The following CEP128 variants were observed in gnomAD, a reference collection of about 807,000 sequenced individuals.
The protein encoded by CEP128 is centrosomal protein 128kDa.
Under a neutral mutation model 156.7 loss-of-function variants are expected in CEP128, and 132 were observed. The observed-to-expected ratio is 0.84, with a 90% confidence interval of 0.73 to 0.97. The LOEUF is 0.97. Among genes scored for constraint, CEP128 ranks in the 50% least tolerant of loss-of-function variants. CEP128 has a pLI of 0.00. For synonymous variants in CEP128, 469 were observed against 448.9 expected (o/e 1.04, Z -0.57); for missense variants, 1,252 against 1,281.9 (o/e 0.98, Z 0.36).
At chr14:80,694,691 T>A (rs1229173335) in intron 19 of CEP128, among the ~76,000 whole-genome samples, 1 of 150,740 alleles carries the variant, frequency 6.6e-6, no homozygotes, top group Non-Finnish European at 1.5e-5. Context: ...TAAGTGGGAG[T>A]TGAACAATGA....
intron 19 of CEP128, among the ~76,000 whole-genome samples, chr14:80,656,291 T>TTATATATATATATATA (rs1159139132): frequency 3.9e-5 from 1 of 25,700 alleles, no homozygotes; most frequent in Non-Finnish European, 6.6e-5. Context: ...ATATATATAT[T>TTATATATATATATATA]TATATATATA....
chr14:80,906,856 C>A (rs772242039), intron 4 of CEP128, among the ~76,000 whole-genome samples: 1 of 152,154 alleles, frequency 6.6e-6, no homozygotes, highest in Non-Finnish European at 1.5e-5. Context: ...AATCCATACA[C>A]CCTGAATTGC....
chr14:80,487,154 A>C (rs1307580397), downstream of CEP128, among the ~76,000 whole-genome samples: 2 of 152,114 alleles, frequency 1.3e-5, no homozygotes, highest in African/African-American at 4.8e-5. Flanking sequence ...AGACACACAT[A>C]GGCTCAAAAT....
intron 19 of CEP128, among the ~76,000 whole-genome samples, chr14:80,590,529 G>A (rs761097814): frequency 6.6e-6 from 1 of 151,316 alleles, no homozygotes; most frequent in Non-Finnish European, 1.5e-5. Context: ...TAAAGATGAA[G>A]GCAAGACATT....
chr14:80,930,825 A>C (rs1885418502), intron 2 of CEP128, among the ~76,000 whole-genome samples: 1 of 152,266 alleles, frequency 6.6e-6, no homozygotes, highest in South Asian at 2.1e-4. Flanking sequence ...TCAGTGGCTA[A>C]CCACATTGCT....
intron 8 of CEP128, among the ~76,000 whole-genome samples, chr14:80,873,444 T>C (rs997525112): frequency 6.6e-6 from 1 of 152,214 alleles, no homozygotes; most frequent in African/African-American, 2.4e-5. Context: ...ATGATAACTG[T>C]TTATTATGGG....
At chr14:80,698,300 A>G (rs140843610) in intron 19 of CEP128, among the ~76,000 whole-genome samples, 170 of 152,186 alleles carry the variant, frequency 1.1e-3, no homozygotes, top group African/African-American at 4.0e-3. Flanking sequence ...GAAACTATTT[A>G]CCTAACTATC....
chr14:80,639,208 T>C (rs1287179059), intron 19 of CEP128, among the ~76,000 whole-genome samples: 1 of 152,208 alleles, frequency 6.6e-6, no homozygotes, highest in Non-Finnish European at 1.5e-5. Context: ...AAATGTTTGA[T>C]TGTGAAGCTA....
intron 19 of CEP128, among the ~76,000 whole-genome samples, chr14:80,714,732 C>T (rs571107599): frequency 6.6e-6 from 1 of 152,084 alleles, no homozygotes; most frequent in African/African-American, 2.4e-5. Context: ...TACTCTCTGC[C>T]CACATCCCAT....
intron 2 of CEP128, among the ~76,000 whole-genome samples, chr14:80,938,213 G>A (rs1885930483): frequency 6.8e-6 from 1 of 147,458 alleles, no homozygotes; most frequent in Non-Finnish European, 1.5e-5. Flanking sequence ...TATAAATTTT[G>A]TACACCACTG....
At chr14:80,733,487 T>C (rs1248828032) in intron 19 of CEP128, among the ~76,000 whole-genome samples, 7 of 152,052 alleles carry the variant, frequency 4.6e-5, no homozygotes, top group African/African-American at 9.7e-5. Context: ...GGAATGAATA[T>C]ATGACAAACA....
chr14:80,918,568 T>C (rs1019676062), intron 2 of CEP128, among the ~76,000 whole-genome samples: 1 of 152,216 alleles, frequency 6.6e-6, no homozygotes, highest in Non-Finnish European at 1.5e-5. Flanking sequence ...ATAAGTAGAA[T>C]GCAAACCCAA....
chr14:80,596,279 C>A (rs901539275), intron 19 of CEP128, among the ~76,000 whole-genome samples: 1 of 151,894 alleles, frequency 6.6e-6, no homozygotes, highest in African/African-American at 2.4e-5. Context: ...GGTATTATAT[C>A]GTGAAAGTAA....
intron 4 of CEP128, among the ~76,000 whole-genome samples, chr14:80,909,754 A>G (rs892004303): frequency 6.6e-6 from 1 of 152,198 alleles, no homozygotes; most frequent in Admixed American, 6.5e-5. Context: ...ACACTGCACA[A>G]AATTTAGTGA....
intron 8 of CEP128, among the ~76,000 whole-genome samples, chr14:80,877,744 T>C (rs1888351185): frequency 6.6e-6 from 1 of 152,152 alleles, no homozygotes; most frequent in Non-Finnish European, 1.5e-5. Flanking sequence ...AGTCACTGCA[T>C]ATCCCCATCT....
In CEP128 at chr14:80,536,406, C is replaced by T. The variant is rs375545421; in HGVS notation, c.2881-5520G>A. ...AATAAATTAAAGGAGATGATATCTA[C>T]ATTTTTATTTTAAAAATAAATGTGT... On this transcript the variant is annotated intron_variant, in intron 21 of 24. Transcript: ENST00000555265. 1.4e-4 allele frequency among the ~76,000 whole-genome samples: 22 copies of T among 152,216 alleles called. 3 individuals are homozygous for T. The highest frequency in any genetic ancestry group is 7.2e-4 in the Admixed American group (11 of 15,290).
chr14:80,632,584 T>A (rs1164554917), intron 19 of CEP128, among the ~76,000 whole-genome samples: 2 of 150,048 alleles, frequency 1.3e-5, no homozygotes, highest in African/African-American at 4.9e-5. Flanking sequence ...CTATATAATA[T>A]AACATGCTAT....
chr14:80,933,618 T>C (rs1403250824), intron 2 of CEP128, among the ~76,000 whole-genome samples: 1 of 152,192 alleles, frequency 6.6e-6, no homozygotes, highest in Admixed American at 6.5e-5. Context: ...ACCTCTGCTG[T>C]ATGTTAAGCT....
At chr14:80,661,432 T>C (rs1895399074) in intron 19 of CEP128, among the ~76,000 whole-genome samples, 1 of 152,150 alleles carries the variant, frequency 6.6e-6, no homozygotes, top group South Asian at 2.1e-4. Context: ...AAGTTGCTCT[T>C]AGGTAATGAA....
Sources: allele counts gnomAD v4.1 joint callset (sites outside exome capture counted in the v4.1 genomes callset), GRCh38; gene constraint gnomAD v4.1.1; transcripts MANE v1.5; gene names NCBI Gene and HGNC (gene_info 2026-07-23, HGNC 2026-07-21).